The following ADGRV1 variants were observed in gnomAD, a reference collection of about 807,000 sequenced individuals.
ADGRV1 encodes adhesion G protein-coupled receptor V1, also known as G-protein coupled receptor 98.
ADGRV1 carries 359 observed loss-of-function variants against 596.2 expected under a neutral mutation model. The ratio of observed to expected loss-of-function variants is 0.60; its 90% confidence interval spans 0.55 to 0.66. The LOEUF is 0.66. Ranked by LOEUF, ADGRV1 falls within the 30% of genes least tolerant of loss-of-function variation. The pLI is 0.00. For missense variants in ADGRV1, 7,274 were observed against 7,575.6 expected (o/e 0.96, Z 1.48); for synonymous variants, 2,681 against 2,679.2 (o/e 1.00, Z -0.02).
At chr5:90,587,344 G>C (rs947051120) in intron 1 of ADGRV1, among the ~76,000 whole-genome samples, 1 of 152,012 alleles carries the variant, frequency 6.6e-6, no homozygotes, top group Non-Finnish European at 1.5e-5. Context: ...GGGAATGATG[G>C]TTAGAGGCAA....
At position 90,783,872 on chromosome 5, in the gene ADGRV1, G is replaced by A; in HGVS notation, c.13468G>A (p.Gly4490Arg). 1 of 1,610,576 alleles carries A rather than the reference G, an allele frequency of 6.2e-7. No homozygotes were observed. The highest frequency in any genetic ancestry group is 8.5e-7 in the Non-Finnish European group (1 of 1,178,560). Residue 4490 changes from glycine (G) to arginine (R), a missense_variant, in exon 67 of 90, where the codon GGA (glycine) becomes AGA (arginine). Coordinates refer to ENST00000405460, the MANE Select transcript of ADGRV1 (RefSeq NM_032119.4). ...FEEPIEILLT[G>R]ATGGAVLGRH... The stretch of plus-strand genomic sequence containing the variant: ...GGAGCCCATTGAAATTCTACTCACT[G>A]GAGCTACTGGAGGAGCGGTCCTTGG...
chr5:90,952,982 T>C (rs954532478), intron 83 of ADGRV1, among the ~76,000 whole-genome samples: 1 of 152,168 alleles, frequency 6.6e-6, no homozygotes, highest in Non-Finnish European at 1.5e-5. Flanking sequence ...TTAGTGATTA[T>C]TCATTGAAAA....
rs114831846 is a variant in ADGRV1 at position 90,774,427 on chromosome 5, C to G, written c.12403+124C>G. ...CATAATTCCTAAAACATAAAGATAC[C>G]ATTTTCCACATGTATTAAAGGTTAA... On this transcript the variant is annotated intron_variant, in intron 60 of 89. Transcript: ENST00000405460. 6.6e-5 allele frequency: 40 copies of G among 605,298 alleles called. No homozygotes were observed. In the African/African-American group the frequency reaches 6.9e-4, roughly 10 times the overall value. 37.5% of individuals were successfully genotyped at this position (605,298 alleles called of 1,614,324 possible).
At chr5:91,074,086 AG>A in intron 86 of ADGRV1, among the ~76,000 whole-genome samples, 1 of 152,380 alleles carries the variant, frequency 6.6e-6, no homozygotes. Flanking sequence ...CACGGGACAC[AG>A]AAGTTATCTA....
intron 85 of ADGRV1, among the ~76,000 whole-genome samples, chr5:91,032,974 T>C (rs1393961600): frequency 2.0e-5 from 3 of 152,216 alleles, no homozygotes; most frequent in Non-Finnish European, 4.4e-5. Context: ...GTAAATCTTA[T>C]ATAGCACAGA....
At chr5:91,005,769 A>G (rs915522774) in intron 85 of ADGRV1, among the ~76,000 whole-genome samples, 13 of 152,134 alleles carry the variant, frequency 8.5e-5, no homozygotes, top group African/African-American at 2.9e-4. Flanking sequence ...CTTATTTCAC[A>G]GGCCTAATTC....
chr5:90,936,002 C>T lies in ADGRV1; in HGVS notation c.17857-29413C>T, dbSNP rs76231321. Reference sequence around the variant, plus strand: ...ACCACCCCATCTCTAAACAAAACAACAAAAAAATGCTTTTCAAGAGTTTTA... The same window carrying T: ...ACCACCCCATCTCTAAACAAAACAATAAAAAAATGCTTTTCAAGAGTTTTA... On this transcript the variant is annotated intron_variant, in intron 83 of 89. Coordinates refer to ENST00000405460, the MANE Select transcript of ADGRV1 (RefSeq NM_032119.4). 2.0e-5 allele frequency among the ~76,000 whole-genome samples: 3 copies of T among 152,044 alleles called. No homozygotes were observed. In the East Asian group the frequency reaches 5.8e-4, roughly 29 times the overall value.
At chr5:90,994,565 G>A (rs539702692) in intron 85 of ADGRV1, among the ~76,000 whole-genome samples, 44 of 152,244 alleles carry the variant, frequency 2.9e-4, no homozygotes, top group Non-Finnish European at 5.9e-4. Flanking sequence ...TTGCCTGAGG[G>A]ATAGTTTCTA....
intron 1 of ADGRV1, among the ~76,000 whole-genome samples, chr5:90,564,393 A>G (rs1189089202): frequency 6.6e-6 from 1 of 152,154 alleles, no homozygotes; most frequent in Non-Finnish European, 1.5e-5. Context: ...GGGAGTGGAA[A>G]AAGGTAGAGA....
intron 77 of ADGRV1, among the ~76,000 whole-genome samples, chr5:90,832,802 C>A (rs562255838): frequency 2.6e-5 from 4 of 152,248 alleles, no homozygotes; most frequent in Admixed American, 2.6e-4. Context: ...GATCTAGTTT[C>A]ATTCCTCTGC....
At chr5:91,061,736 G>T (rs923651500) in intron 85 of ADGRV1, among the ~76,000 whole-genome samples, 13 of 152,130 alleles carry the variant, frequency 8.5e-5, no homozygotes, top group African/African-American at 3.1e-4. Flanking sequence ...TTGGTCCTTT[G>T]GCATTTTTTG....
At chr5:91,044,396 G>T (rs1785618005) in intron 85 of ADGRV1, among the ~76,000 whole-genome samples, 2 of 152,284 alleles carry the variant, frequency 1.3e-5, no homozygotes, top group African/African-American at 4.8e-5. Flanking sequence ...ACACAAAAAT[G>T]ATAATACTTT....
rs200197273 is a variant in ADGRV1, at chr5:90,627,391, C to G, written c.853C>G (p.Arg285Gly). Residue 285 changes from arginine to glycine, a missense_variant, in exon 7 of 90, where the codon CGT becomes GGT. Around this residue, in one of 5 missense-constraint regions of ADGRV1, gnomAD observed 1,715 missense variants for 1,708.8 expected, o/e 1.00. Transcript: ENST00000405460. ...EDHILIIPVV[R>G]GKDNNGNLIG... ...CCACATACTCATAATTCCAGTAGTTCGTGGAAAGGACAACAATGGAAATCT... is the reference window on the plus strand; with the variant it reads ...CCACATACTCATAATTCCAGTAGTTGGTGGAAAGGACAACAATGGAAATCT... 6.6e-4 allele frequency: 1,064 copies of G among 1,613,722 alleles called. 1 individual carries two copies. The highest frequency in any genetic ancestry group is 8.3e-4 in the Non-Finnish European group (980 of 1,179,784).
At chr5:90,730,894 A>C (rs935940652) in intron 50 of ADGRV1, among the ~76,000 whole-genome samples, 1 of 152,198 alleles carries the variant, frequency 6.6e-6, no homozygotes, top group African/African-American at 2.4e-5. Flanking sequence ...TCCTGCTTTT[A>C]AATTGAGATA....
chr5:91,011,624 G>A (rs1261108768), intron 85 of ADGRV1, among the ~76,000 whole-genome samples: 12 of 151,834 alleles, frequency 7.9e-5, no homozygotes, highest in Non-Finnish European at 1.5e-4. Flanking sequence ...TATAAAACTA[G>A]AAAATGGTGA....
At chr5:90,862,377 C>G (rs1025559688) in intron 82 of ADGRV1, among the ~76,000 whole-genome samples, 2 of 145,724 alleles carry the variant, frequency 1.4e-5, no homozygotes, top group African/African-American at 5.0e-5. Context: ...CACACACACA[C>G]AGACATACAC....
Position 90,848,796 on chromosome 5 carries a change from G to T in ADGRV1, c.17179G>T (p.Val5727Phe). The T allele has an allele frequency of 6.3e-7, 1 of 1,584,690 alleles. No individual in the cohort carries two copies. Among genetic ancestry groups the T allele is most frequent in the Non-Finnish European group, 8.6e-7 (1 of 1,169,504 alleles). ...TTTTGCCTTTTCTCTGCTGACTAATGTTACTTGCGGCTCTCCTGGTGAAAA... is the reference window on the plus strand; with the variant it reads ...TTTTGCCTTTTCTCTGCTGACTAATTTTACTTGCGGCTCTCCTGGTGAAAA... ...ENFAFSLLTN[V>F]TCGSPGEKSK... The change falls in exon 79 of 90, where the codon GTT (valine) becomes TTT (phenylalanine). Residue 5727 changes from valine to phenylalanine, a missense_variant. Val to Phe is a conservative substitution (Grantham distance 50). Transcript: ENST00000405460.
At position 90,652,573 on chromosome 5, in the gene ADGRV1, TTTTCCATGTCTTATTTTA is replaced by T. The variant is rs746460210; in HGVS notation, c.3634+27_3634+44del. On this transcript the variant is annotated intron_variant, in intron 19 of 89. Transcript: ENST00000405460. ...CTTGTAAACATTTCAGGTACTGTGT[TTTTCCATGTCTTATTTTA>T]TTTCCATGTCTTATTTATACTAAAT... 6.6e-6 allele frequency: 10 copies of T among 1,524,456 alleles called. No homozygotes were observed. The highest frequency in any genetic ancestry group is 9.0e-6 in the Non-Finnish European group (10 of 1,112,312). The allele number at this position is 1,524,456 out of a possible 1,614,324, so 94.4% of individuals were successfully genotyped here.
chr5:90,895,597 C>T (rs1413917386), intron 83 of ADGRV1, among the ~76,000 whole-genome samples: 1 of 152,184 alleles, frequency 6.6e-6, no homozygotes. Context: ...ATCTTTAAAA[C>T]TTCACCTTTC....
Sources: allele counts gnomAD v4.1 joint callset (sites outside exome capture counted in the v4.1 genomes callset), GRCh38; gene constraint gnomAD v4.1.1; regional missense constraint gnomAD v4.1.1; transcripts MANE v1.5; gene names NCBI Gene and HGNC (gene_info 2026-07-23, HGNC 2026-07-21).